P4HA1: variants seen among roughly 807,000 people sequenced by gnomAD.
P4HA1 encodes the protein prolyl 4-hydroxylase subunit alpha-1.
P4HA1 carries 24 observed loss-of-function variants against 72.8 expected under a neutral mutation model. The ratio of observed to expected loss-of-function variants is 0.33; its 90% CI spans 0.24 to 0.46. P4HA1 has a LOEUF of 0.46. Among genes scored for constraint, P4HA1 ranks in the 20% least tolerant of loss-of-function variants. P4HA1 has a pLI of 1.00. For missense variants in P4HA1, 446 were observed against 640.6 expected (o/e 0.70, Z 3.28); for synonymous variants, 201 against 218.8 (o/e 0.92, Z 0.72).
rs375684446 is a variant in P4HA1, at chr10:73,079,444, G to A, written c.-32-4529C>T. Among the ~76,000 whole-genome samples the A allele has an allele frequency of 1.7e-4, 25 of 151,512 alleles. No individual in the cohort carries two copies. In the South Asian group the frequency reaches 4.8e-3, roughly 29 times the overall value. ...CCTGGGTGACAGAGACTCTATACCC[G>A]TAAAAACAACAGTAAGGCCAGGAGC... is the stretch of plus-strand genomic sequence containing the variant. On this transcript the variant is annotated intron_variant, in intron 1 of 14. Transcript: ENST00000394890.
At chr10:73,013,298 C>A (rs1011263201) in intron 12 of P4HA1, among the ~76,000 whole-genome samples, 3 of 152,206 alleles carry the variant, frequency 2.0e-5, no homozygotes, top group Admixed American at 1.3e-4. Context: ...GCAAAATTAA[C>A]ATCTGTGACT....
intron 9 of P4HA1, among the ~76,000 whole-genome samples, chr10:73,039,711 G>A (rs1187727632): frequency 3.9e-5 from 6 of 152,180 alleles, no homozygotes; most frequent in South Asian, 2.1e-4. Context: ...TGAAAGTGAT[G>A]TCATCGCTTA....
chr10:73,079,984 A>G (rs1841786124), intron 1 of P4HA1, among the ~76,000 whole-genome samples: 1 of 152,122 alleles, frequency 6.6e-6, no homozygotes, highest in Non-Finnish European at 1.5e-5. Context: ...CTAAGCTCAG[A>G]GGATGTGAAC....
chr10:73,030,392 G>T (rs200553196), intron 9 of P4HA1, 22 bp from the exon 10 acceptor site: 3 of 1,285,706 alleles, frequency 2.3e-6, no homozygotes, highest in Non-Finnish European at 3.3e-6. Context: ...AGGAATATTA[G>T]TTTTATTGAT....
chr10:73,021,517 G>A (rs184459101), intron 10 of P4HA1, among the ~76,000 whole-genome samples: 44 of 152,270 alleles, frequency 2.9e-4, no homozygotes, highest in Admixed American at 5.2e-4. Flanking sequence ...CACATGGATG[G>A]AACTGGAGTT....
intron 10 of P4HA1, among the ~76,000 whole-genome samples, chr10:73,029,330 G>GTCT (rs1318310447): frequency 6.7e-6 from 1 of 149,324 alleles, no homozygotes; most frequent in Non-Finnish European, 1.5e-5. Context: ...AGAATCGCTT[G>GTCT]AACCAGGAGA....
chr10:73,013,173 T>C (rs1839945423), intron 12 of P4HA1, among the ~76,000 whole-genome samples: 2 of 152,228 alleles, frequency 1.3e-5, no homozygotes, highest in Admixed American at 6.5e-5. Context: ...CATCCCAATA[T>C]GTCCCATCCT....
chr10:73,020,909 T>C (rs1378658668), intron 10 of P4HA1, among the ~76,000 whole-genome samples: 1 of 152,110 alleles, frequency 6.6e-6, no homozygotes, highest in Non-Finnish European at 1.5e-5. Flanking sequence ...CCAAAGTGGA[T>C]GGATCACCTG....
intron 8 of P4HA1, 148 bp downstream of exon 8, chr10:73,046,777 G>A (rs1818670013): frequency 8.2e-6 from 5 of 610,744 alleles, no homozygotes; most frequent in Middle Eastern, 4.3e-4. Context: ...CATAAACACA[G>A]CATCATTAGT....
At chr10:73,086,625 G>T (rs182763233) in intron 1 of P4HA1, among the ~76,000 whole-genome samples, 3 of 152,036 alleles carry the variant, frequency 2.0e-5, no homozygotes, top group Non-Finnish European at 2.9e-5. Context: ...CAATAAAACT[G>T]TTTTAAAAAA....
chr10:73,087,337 T>G (rs1206811550), intron 1 of P4HA1, among the ~76,000 whole-genome samples: 3 of 151,428 alleles, frequency 2.0e-5, no homozygotes, highest in Non-Finnish European at 4.4e-5. Flanking sequence ...GGCACAATCT[T>G]GTCTCACTGC....
intron 9 of P4HA1, among the ~76,000 whole-genome samples, chr10:73,036,187 C>CAA (rs35435004): frequency 0.016 from 1,347 of 84,134 alleles, 30 homozygotes; most frequent in African/African-American, 0.048. Flanking sequence ...AACTCCGTCT[C>CAA]AAAAAAAAAA....
Position 73,046,967 on chromosome 10 carries a change from A to G in P4HA1, c.1035T>C (p.Ser345=), listed in dbSNP as rs756327809. 1.9e-6 allele frequency: 3 copies of G among 1,612,928 alleles called. No individual in the cohort carries two copies. The highest frequency in any genetic ancestry group is 2.5e-6 in the Non-Finnish European group (3 of 1,179,292). Residue 345 remains serine (S), a synonymous_variant, in exon 8 of 15, where the codon TCT becomes TCC. Transcript: ENST00000394890. ...PRIIRFHDII[S]DAEIEIVKDL... ...CTTTGACGATTTCAATTTCTGCATCAGAAATAATATCATGGAAGCGAATAA... is the reference window on the plus strand; with the variant it reads ...CTTTGACGATTTCAATTTCTGCATCGGAAATAATATCATGGAAGCGAATAA...
At chr10:73,034,573 CAT>C (rs1489933791) in intron 9 of P4HA1, among the ~76,000 whole-genome samples, 1 of 149,886 alleles carries the variant, frequency 6.7e-6, no homozygotes, top group Non-Finnish European at 1.5e-5. Flanking sequence ...TTTCACTTAA[CAT>C]GTGTGTGTGG....
intron 1 of P4HA1, chr10:73,082,713 T>G (rs1841850990): frequency 1.3e-5 from 2 of 152,184 alleles, no homozygotes; most frequent in Non-Finnish European, 2.9e-5. Context: ...ACTTTATTTT[T>G]CCTCATACAG....
chr10:73,069,252 A>G (rs1841494613), intron 4 of P4HA1, among the ~76,000 whole-genome samples: 1 of 152,216 alleles, frequency 6.6e-6, no homozygotes, highest in African/African-American at 2.4e-5. Context: ...ATCACCTAAC[A>G]TAATAGTTAT....
chr10:73,095,861 GAGAA>G (rs999541257), intron 1 of P4HA1, among the ~76,000 whole-genome samples: 1 of 152,174 alleles, frequency 6.6e-6, no homozygotes, highest in Non-Finnish European at 1.5e-5. Flanking sequence ...GATTATTTAG[GAGAA>G]AGAGTCTCAC....
intron 1 of P4HA1, among the ~76,000 whole-genome samples, chr10:73,080,432 C>T (rs1207576343): frequency 6.6e-6 from 1 of 152,208 alleles, no homozygotes; most frequent in Non-Finnish European, 1.5e-5. Context: ...ATACAGCAAA[C>T]AACCCTATGA....
intron 9 of P4HA1, among the ~76,000 whole-genome samples, chr10:73,033,432 T>C (rs939911023): frequency 3.3e-5 from 5 of 152,234 alleles, no homozygotes; most frequent in Non-Finnish European, 7.3e-5. Flanking sequence ...TTTCTATCTA[T>C]GCTTTTGATT....
Sources: gnomAD v4.1 joint callset for allele counts (sites outside exome capture counted in the v4.1 genomes callset) on GRCh38, gnomAD v4.1.1 for gene constraint, MANE v1.5 for transcripts, NCBI Gene and HGNC (gene_info 2026-07-23, HGNC 2026-07-21) for gene names.